Variants in EP400 observed in about 807,000 individuals in gnomAD.
EP400 encodes the protein E1A binding protein p400.
A neutral mutation model predicts 354.1 loss-of-function variants in EP400; 105 were observed. The ratio of observed to expected loss-of-function variants is 0.30; its 90% CI spans 0.25 to 0.35. EP400 has a LOEUF of 0.35. EP400 is among the 10% of genes least tolerant of loss of function. EP400 has a pLI of 1.00. For missense variants in EP400, 3,280 were observed against 4,121.0 expected (o/e 0.80, Z 5.59); for synonymous variants, 1,646 against 1,716.9 (o/e 0.96, Z 1.02).
intron 52 of EP400, among the ~76,000 whole-genome samples, chr12:132,077,177 A>G (rs1005944927): frequency 7.9e-5 from 12 of 152,206 alleles, no homozygotes; most frequent in African/African-American, 2.7e-4. Context: ...CCCTTTTCCC[A>G]AGAGGCATCT....
Position 132,073,459 on chromosome 12 carries a change from C to CTTTTTTT in EP400, c.9022-3049_9022-3043dup, listed in dbSNP as rs58724167. ...GTGCGTTTTAATTCTGTCCCTTTTC[C>CTTTTTTT]TTTTTTTTTTTTTTGACACAGTCTT... On this transcript the variant is annotated intron_variant, in intron 51 of 52. Coordinates refer to ENST00000389561, the MANE Select transcript of EP400 (RefSeq NM_015409.5). Among the ~76,000 whole-genome samples, 169 of 117,698 alleles carry CTTTTTTT rather than the reference C, an allele frequency of 1.4e-3. 18 individuals carry two copies. Among genetic ancestry groups the CTTTTTTT allele is most frequent in the African/African-American group, 5.5e-3 (125 of 22,642 alleles). The allele number at this position is 117,698 out of a possible 152,430, so 77.2% of individuals were successfully genotyped here.
intron 5 of EP400, 151 bp from the exon 6 acceptor site, chr12:131,986,363 G>A: frequency 1.4e-6 from 1 of 710,178 alleles, no homozygotes; most frequent in Non-Finnish European, 2.3e-6. Context: ...GTGTTGGGCT[G>A]TGGATACGAT....
At chr12:131,957,752 C>T (rs1189122313) in intron 1 of EP400, among the ~76,000 whole-genome samples, 1 of 152,054 alleles carries the variant, frequency 6.6e-6, no homozygotes, top group South Asian at 2.1e-4. Context: ...TGTGCTACCA[C>T]GCCCAGCTAA....
At chr12:132,055,620 G>T (rs542449528) in intron 45 of EP400, among the ~76,000 whole-genome samples, 1 of 136,700 alleles carries the variant, frequency 7.3e-6, no homozygotes, top group Non-Finnish European at 1.6e-5. Context: ...GAGGTGTAGG[G>T]GTTGTGTGTG....
At position 132,062,768 on chromosome 12, in the gene EP400, C is replaced by T. The variant is rs1188549672; in HGVS notation, c.8334+67C>T. 1.8e-5 allele frequency: 29 copies of T among 1,587,434 alleles called. No individual in the cohort carries two copies. The East Asian group carries it at 2.3e-4, about 12-fold the overall frequency. On this transcript the variant is annotated intron_variant, in intron 47 of 52. Coordinates refer to ENST00000389561, the MANE Select transcript of EP400 (RefSeq NM_015409.5). ...GTCAGTCAGCCCAGCGTCTGTGAGA[C>T]GGTGCCTGCTTGCATGGTGCAGTCC...
chr12:131,995,411 A>C (rs890301037), intron 12 of EP400, among the ~76,000 whole-genome samples: 1 of 151,866 alleles, frequency 6.6e-6, no homozygotes, highest in Non-Finnish European at 1.5e-5. Flanking sequence ...TGAGTGTGTG[A>C]GAACTTCATG....
rs554180522 is a variant in EP400 at position 131,988,064 on chromosome 12, G to GT, written c.2409+180dup. ...GGCTGGAATGTCCAGCTAATTTTGTGTTTTTTGCCACATTACCCAGACTGG... is the reference window on the plus strand; with the variant it reads ...GGCTGGAATGTCCAGCTAATTTTGTGTTTTTTTGCCACATTACCCAGACTGG... On this transcript the variant is annotated intron_variant, in intron 7 of 52. Coordinates refer to ENST00000389561, the MANE Select transcript of EP400 (RefSeq NM_015409.5). 2.3e-3 allele frequency among the ~76,000 whole-genome samples: 312 copies of GT among 135,830 alleles called. 1 individual carries two copies. Among genetic ancestry groups the GT allele is most frequent in the African/African-American group, 8.3e-3 (299 of 36,220 alleles). 89.1% of individuals were successfully genotyped at this position (135,830 alleles called of 152,430 possible).
chr12:132,013,034 A>C lies in EP400; in HGVS notation c.3467A>C (p.His1156Pro). 6.2e-7 allele frequency: 1 copy of C among 1,613,202 alleles called. No homozygotes were observed. ...GAGTGGGCCGAACCCAACAGCTTCC[A>C]CGTCTGCATCACGTCCTACACTCAG... ...RQEWAEPNSF[H>P]VCITSYTQFF... Residue 1156 changes from histidine to proline, a missense_variant, in exon 17 of 53, where the codon CAC becomes CCC. Physicochemically the swap from His to Pro is moderately conservative, Grantham distance 77. This residue lies in a region of EP400 where 242 missense variants were observed against 357.9 expected (regional missense o/e 0.68). Transcript: ENST00000389561. This position sits in a 1 kb window ranked among gnomAD's most constrained non-coding sequence, Gnocchi z 4.5.
At chr12:132,014,634 G>A (rs1279430308) in intron 19 of EP400, among the ~76,000 whole-genome samples, 1 of 152,162 alleles carries the variant, frequency 6.6e-6, no homozygotes, top group Non-Finnish European at 1.5e-5. Context: ...CTCTCTGCTG[G>A]GGGTGTGGCC....
intron 1 of EP400, among the ~76,000 whole-genome samples, chr12:131,951,586 A>G (rs1360747544): frequency 6.6e-6 from 1 of 152,112 alleles, no homozygotes; most frequent in Non-Finnish European, 1.5e-5. Context: ...GCAATAAAAT[A>G]ATTTCTGTAA....
At chr12:131,966,608 A>T (rs1307034680) in intron 2 of EP400, among the ~76,000 whole-genome samples, 12 of 149,154 alleles carry the variant, frequency 8.0e-5, no homozygotes. Context: ...TCTCTACTAA[A>T]AATTAAAAAA....
intron 12 of EP400, among the ~76,000 whole-genome samples, chr12:131,995,527 TTGAG>T (rs992364405): frequency 6.9e-6 from 1 of 145,042 alleles, no homozygotes; most frequent in Non-Finnish European, 1.5e-5. Flanking sequence ...ACCGTTCATC[TTGAG>T]TGTGTGAGAA....
Position 132,027,017 on chromosome 12 carries a change from C to T in EP400, c.5015-420C>T, listed in dbSNP as rs1235496166. Among the ~76,000 whole-genome samples, 6 of 152,162 alleles carry T rather than the reference C, an allele frequency of 3.9e-5. No homozygotes were observed. The highest frequency in any genetic ancestry group is 3.9e-4 in the East Asian group (2 of 5,190). On this transcript the variant is annotated intron_variant, in intron 25 of 52. Transcript: ENST00000389561. This position sits in a 1 kb window ranked among gnomAD's most constrained non-coding sequence, Gnocchi z 4.9. The stretch of plus-strand genomic sequence containing the variant: ...TGTGAGGACTGGGTGGACTTCCTGC[C>T]GGGGCTGGGCTGCTCATGGCAGGCA...
intron 45 of EP400, among the ~76,000 whole-genome samples, chr12:132,055,542 GGGT>G (rs1895465548): frequency 7.7e-6 from 1 of 129,252 alleles, no homozygotes; most frequent in Non-Finnish European, 1.6e-5. Flanking sequence ...TGAGGTGTAG[GGGT>G]TGTGTGTGTG....
At chr12:132,010,573 T>C (rs1480170211) in intron 15 of EP400, among the ~76,000 whole-genome samples, 10 of 152,258 alleles carry the variant, frequency 6.6e-5, no homozygotes. Flanking sequence ...TAAGTCTGTC[T>C]TGTAACTTGG....
chr12:131,960,893 G>A lies in EP400; in HGVS notation c.274G>A (p.Ala92Thr). ...CGGGGGAAACCAGCAGATCACACTGGCCCCACTGCCGCTCCCCAGCCCCAC... is the reference window on the plus strand; with the variant it reads ...CGGGGGAAACCAGCAGATCACACTGACCCCACTGCCGCTCCCCAGCCCCAC... ...VVGGNQQITL[A>T]PLPLPSPTSP... Residue 92 changes from alanine (A) to threonine (T), a missense_variant, in exon 2 of 53, where the codon GCC becomes ACC. By Grantham distance (58) the Ala-to-Thr change is moderately conservative. Around this residue, in one of 20 missense-constraint regions of EP400, gnomAD observed 172 missense variants for 242.9 expected, o/e 0.71. Coordinates refer to ENST00000389561, the MANE Select transcript of EP400 (RefSeq NM_015409.5). 6.2e-7 allele frequency: 1 copy of A among 1,613,992 alleles called. No individual in the cohort carries two copies. The highest frequency in any genetic ancestry group is 1.7e-5 in the Admixed American group (1 of 60,022).
chr12:132,041,955 T>TC (rs1454940636), intron 32 of EP400, among the ~76,000 whole-genome samples: 2 of 136,782 alleles, frequency 1.5e-5, no homozygotes, highest in Admixed American at 6.8e-5. Flanking sequence ...TTTTTCTTTT[T>TC]CTTTTTTTTT....
At chr12:131,968,545 G>A (rs1030976345) in intron 2 of EP400, among the ~76,000 whole-genome samples, 6 of 152,106 alleles carry the variant, frequency 3.9e-5, no homozygotes, top group African/African-American at 1.4e-4. Flanking sequence ...AATTATTTTG[G>A]TCATTCTGGT....
chr12:132,016,895 T>G (rs2094213661), intron 19 of EP400, among the ~76,000 whole-genome samples: 1 of 152,130 alleles, frequency 6.6e-6, no homozygotes, highest in African/African-American at 2.4e-5. Context: ...TTCCCACAAG[T>G]CTGCCATCTC....
Sources: allele counts gnomAD v4.1 joint callset (sites outside exome capture counted in the v4.1 genomes callset), GRCh38; gene constraint gnomAD v4.1.1; regional missense constraint gnomAD v4.1.1; non-coding constraint Gnocchi (gnomAD v3.1); transcripts MANE v1.5; gene names NCBI Gene and HGNC (gene_info 2026-07-23, HGNC 2026-07-21).